PAH: variants seen among roughly 807,000 people sequenced by gnomAD.
The protein encoded by PAH is phenylalanine hydroxylase.
Under a neutral mutation model 62.0 loss-of-function variants are expected in PAH, and 64 were observed. The observed-to-expected ratio is 1.03, with a 90% CI of 0.84 to 1.27. PAH has a LOEUF of 1.27. PAH is among the 50% of genes most tolerant of loss of function. The pLI, the probability that PAH is intolerant of heterozygous loss-of-function variation, is 0.00. For missense variants in PAH, 579 were observed against 542.8 expected, an observed-to-expected ratio of 1.07 and a Z score of -0.66; for synonymous variants, 195 against 196.2, an observed-to-expected ratio of 0.99 and a Z score of 0.05.
intron 4 of PAH, among the ~76,000 whole-genome samples, chr12:102,867,862 TATATA>T (rs1876050204): frequency 1.4e-5 from 2 of 140,088 alleles, no homozygotes; most frequent in Non-Finnish European, 3.2e-5. Flanking sequence ...TGTATATACA[TATATA>T]GATGTATATA....
chr12:102,909,171 G>A (rs73173944), intron 2 of PAH, among the ~76,000 whole-genome samples: 19,439 of 151,992 alleles, frequency 0.13, 1,526 homozygotes, highest in Admixed American at 0.23. Context: ...TGTGACAGTC[G>A]CTCAGACAGT....
intron 2 of PAH, among the ~76,000 whole-genome samples, chr12:102,899,999 C>A (rs1269955175): frequency 6.9e-6 from 1 of 145,452 alleles, no homozygotes; most frequent in African/African-American, 2.5e-5. Flanking sequence ...TTGTTTCCTT[C>A]TTTCTCTTTT....
Position 102,838,992 on chromosome 12 carries a change from A to G in PAH, c.*183T>C. On this transcript the variant is annotated 3_prime_UTR_variant, in exon 13 of 13. Coordinates refer to ENST00000553106, the MANE Select transcript of PAH (RefSeq NM_000277.3). ...CAAAAGATTTACCATTATGCTCTTG[A>G]GTATGTACTCATATCCTGTCATTTC... 3.2e-6 allele frequency: 2 copies of G among 630,396 alleles called. No homozygotes were observed. Among genetic ancestry groups the G allele is most frequent in the Non-Finnish European group, 5.7e-6 (2 of 353,918 alleles). The allele number at this position is 630,396 out of a possible 1,614,324, so 39.1% of individuals were successfully genotyped here.
At chr12:102,951,639 C>A (rs978888923), upstream of PAH, among the ~76,000 whole-genome samples, 1 of 152,140 alleles carries the variant, frequency 6.6e-6, no homozygotes, top group African/African-American at 2.4e-5. Context: ...TTCCCCACCC[C>A]CGAGTTCCAA....
At chr12:102,890,118 A>G (rs1877214129) in intron 3 of PAH, among the ~76,000 whole-genome samples, 1 of 152,196 alleles carries the variant, frequency 6.6e-6, no homozygotes, top group African/African-American at 2.4e-5. Context: ...AACTTTCGCA[A>G]TTAAGAAACT....
chr12:102,899,351 C>A (rs531383831), intron 2 of PAH, among the ~76,000 whole-genome samples: 125 of 152,128 alleles, frequency 8.2e-4, no homozygotes, highest in African/African-American at 2.9e-3. Context: ...TCACTCATAC[C>A]CCACCCCTGG....
intron 2 of PAH, 45 bp downstream of exon 2, chr12:102,912,746 G>T (rs889479803): frequency 6.1e-6 from 8 of 1,305,434 alleles, no homozygotes; most frequent in Non-Finnish European, 8.9e-6. Context: ...GAACATGGAA[G>T]TTTGCTACGA....
intron 9 of PAH, among the ~76,000 whole-genome samples, chr12:102,845,520 TC>T (rs1874799222): frequency 1.3e-5 from 2 of 152,228 alleles, no homozygotes; most frequent in Non-Finnish European, 2.9e-5. Flanking sequence ...CAAGTACTTT[TC>T]TTTCAATAAC....
rs751195330 is a variant in PAH at position 102,877,446 on chromosome 12, C to T, written c.441+16G>A. On this transcript the variant is annotated intron_variant, in intron 4 of 12. Coordinates refer to ENST00000553106, the MANE Select transcript of PAH (RefSeq NM_000277.3). ...GAGGCACTGAAAAAATCTCATCCTA[C>T]GGGCCATGGACTCACAGGGTGGTCA... 6.2e-5 allele frequency: 99 copies of T among 1,596,328 alleles called. No homozygotes were observed. Among genetic ancestry groups the T allele is most frequent in the South Asian group, 2.8e-4 (25 of 90,738 alleles).
chr12:102,922,256 C>T (rs1197255916), intron 1 of PAH, among the ~76,000 whole-genome samples: 2 of 143,880 alleles, frequency 1.4e-5, no homozygotes, highest in Non-Finnish European at 3.0e-5. Context: ...TACAGTGGTA[C>T]GATCTCAGCT....
intron 2 of PAH, among the ~76,000 whole-genome samples, chr12:102,898,662 A>G (rs1405754650): frequency 6.6e-6 from 1 of 152,230 alleles, no homozygotes; most frequent in Non-Finnish European, 1.5e-5. Context: ...AATCCTTTGA[A>G]AAGGTTAAGG....
At position 102,841,960 on chromosome 12, in the gene PAH, G is replaced by C. The variant is rs527942748; in HGVS notation, c.1200-1445C>G. ...TGGTTTCTCTTGGCTGAGATGCTTT[G>C]AGGGAATCCAAAGGGATGTGCAGAT... On this transcript the variant is annotated intron_variant, in intron 11 of 12. Transcript: ENST00000553106. 2.0e-5 allele frequency among the ~76,000 whole-genome samples: 3 copies of C among 152,296 alleles called. No individual in the cohort carries two copies. In the South Asian group the frequency reaches 6.2e-4, roughly 32 times the overall value.
chr12:102,936,653 A>C (rs1879110061), intron 1 of PAH, among the ~76,000 whole-genome samples: 2 of 152,078 alleles, frequency 1.3e-5, no homozygotes, highest in African/African-American at 2.4e-5. Context: ...TGTCGCTTTA[A>C]ATAGTTTCTA....
At chr12:102,839,778 T>G (rs1396200750) in intron 12 of PAH, among the ~76,000 whole-genome samples, 1 of 152,234 alleles carries the variant, frequency 6.6e-6, no homozygotes, top group Non-Finnish European at 1.5e-5. Context: ...GATGCAGCCT[T>G]CCATTTATGC....
chr12:102,955,735 C>T (rs1593010525), upstream of PAH, among the ~76,000 whole-genome samples: 3 of 152,276 alleles, frequency 2.0e-5, no homozygotes, highest in South Asian at 6.2e-4. Flanking sequence ...ACCTCCTATA[C>T]TTCCAGAGAC....
chr12:102,871,877 A>G (rs2247184), intron 4 of PAH, among the ~76,000 whole-genome samples: 123,874 of 146,274 alleles, frequency 0.85, 52,506 homozygotes, highest in South Asian at 0.92. Context: ...AGCTGAGATC[A>G]TGCCATTGCA....
At chr12:102,917,303 GT>G, upstream of PAH, 1 of 671,572 alleles carries the variant, frequency 1.5e-6, no homozygotes, top group Non-Finnish European at 2.7e-6. Context: ...CGTGGGCGTT[GT>G]CCTGACGCAG....
upstream of PAH, among the ~76,000 whole-genome samples, chr12:102,955,060 G>T (rs1879872790): frequency 6.6e-6 from 1 of 152,208 alleles, no homozygotes. Context: ...TGTTCTGGCG[G>T]TTTTGGCCAG....
intron 12 of PAH, 66 bp downstream of exon 12, chr12:102,840,334 T>G: frequency 1.1e-6 from 1 of 943,714 alleles, no homozygotes; most frequent in Non-Finnish European, 1.8e-6. Context: ...CCTATGGCGA[T>G]GGTAGGGAAA....
Sources: allele counts gnomAD v4.1 joint callset (sites outside exome capture counted in the v4.1 genomes callset), GRCh38; gene constraint gnomAD v4.1.1; transcripts MANE v1.5; gene names NCBI Gene and HGNC (gene_info 2026-07-23, HGNC 2026-07-21).